Variants in SECISBP2L observed in about 807,000 individuals in gnomAD.
SECISBP2L encodes SECIS binding protein 2 like.
SECISBP2L carries 43 observed loss-of-function variants against 114.7 expected under a neutral mutation model. The observed-to-expected ratio is 0.38, with a 90% CI of 0.29 to 0.48. SECISBP2L has a LOEUF of 0.48. SECISBP2L is among the 20% of genes least tolerant of loss of function. The pLI is 0.98. For synonymous variants in SECISBP2L, 451 were observed against 439.7 expected, an observed-to-expected ratio of 1.03 and a Z score of -0.32; for missense variants, 1,136 against 1,301.1, an observed-to-expected ratio of 0.87 and a Z score of 1.95.
intron 13 of SECISBP2L, among the ~76,000 whole-genome samples, chr15:49,010,111 A>C (rs1902405901): frequency 6.6e-6 from 1 of 151,574 alleles, no homozygotes; most frequent in South Asian, 2.1e-4. Flanking sequence ...CAGCCTGGGC[A>C]ACAACAGAGG....
chr15:49,034,440 T>A (rs1157679856), intron 3 of SECISBP2L, among the ~76,000 whole-genome samples: 1 of 151,852 alleles, frequency 6.6e-6, no homozygotes, highest in Non-Finnish European at 1.5e-5. Flanking sequence ...TTTTACTTAG[T>A]CAAAAGGCTC....
chr15:49,012,144 A>G (rs1187432225), intron 12 of SECISBP2L, among the ~76,000 whole-genome samples: 1 of 148,178 alleles, frequency 6.7e-6, no homozygotes, highest in Non-Finnish European at 1.5e-5. Context: ...AAAAAAAAAA[A>G]GGGTAAATTA....
At chr15:49,009,158 C>A in intron 14 of SECISBP2L, 58 bp downstream of exon 14, 2 of 1,544,592 alleles carry the variant, frequency 1.3e-6, no homozygotes, top group Non-Finnish European at 1.8e-6. Context: ...ATACTAAATT[C>A]AGAACTACAA....
chr15:49,021,775 A>C (rs1902644054), intron 7 of SECISBP2L, among the ~76,000 whole-genome samples: 1 of 152,184 alleles, frequency 6.6e-6, no homozygotes, highest in African/African-American at 2.4e-5. Context: ...TAAAACCCCC[A>C]AACTAATGGT....
chr15:49,004,790 G>A (rs551235107), intron 14 of SECISBP2L, among the ~76,000 whole-genome samples: 4 of 152,306 alleles, frequency 2.6e-5, no homozygotes, highest in African/African-American at 9.6e-5. Context: ...CACTTGTTTT[G>A]AGAGACTGTT....
chr15:49,012,552 A>T, intron 12 of SECISBP2L, 96 bp downstream of exon 12: 4 of 1,267,942 alleles, frequency 3.2e-6, no homozygotes, highest in Non-Finnish European at 4.5e-6. Context: ...TTCTCACAAC[A>T]ATCTGTTGGC....
intron 13 of SECISBP2L, 99 bp from the exon 14 acceptor site, chr15:49,009,477 G>T: frequency 8.1e-7 from 1 of 1,235,290 alleles, no homozygotes; most frequent in Non-Finnish European, 1.1e-6. Flanking sequence ...TGTCTTTTGG[G>T]TCATTTCCAA....
chr15:49,012,544 C>G, intron 12 of SECISBP2L, 104 bp downstream of exon 12: 1 of 1,187,228 alleles, frequency 8.4e-7, no homozygotes, highest in South Asian at 1.3e-5. Flanking sequence ...ATGAATACTT[C>G]TCACAACAAT....
In SECISBP2L at chr15:48,988,726, G is replaced by A. The variant is rs1305339382; in HGVS notation, c.*3518C>T. The A allele has an allele frequency of 2.6e-6, 1 of 389,382 alleles. No individual in the cohort carries two copies. Among genetic ancestry groups the A allele is most frequent in the Non-Finnish European group, 5.2e-6 (1 of 192,806 alleles). The allele number at this position is 389,382 out of a possible 1,614,324, so 24.1% of individuals were successfully genotyped here. ...AAAGCTGTTATTACCCCCCAAATGTGATATAACAATTATCCTTCATACAGC... is the reference window on the plus strand; with the variant it reads ...AAAGCTGTTATTACCCCCCAAATGTAATATAACAATTATCCTTCATACAGC... On this transcript the variant is annotated 3_prime_UTR_variant, in exon 18 of 18. Coordinates refer to ENST00000559471, the MANE Select transcript of SECISBP2L (RefSeq NM_001193489.2).
chr15:49,031,037 C>CTTTTTTTTTTTT (rs373799142), intron 4 of SECISBP2L, among the ~76,000 whole-genome samples: 3 of 83,212 alleles, frequency 3.6e-5, no homozygotes, highest in Non-Finnish European at 4.5e-5. Flanking sequence ...TTATCATTTT[C>CTTTTTTTTTTTT]TTTTTTTTTT....
chr15:48,996,528 A>G lies in SECISBP2L; in HGVS notation c.2462T>C (p.Met821Thr), dbSNP rs1902094881. ...TEEARKAYKD[M>T]VAAMEQEQAE... Reference sequence around the variant, plus strand: ...CTGCTCCTGTTCCATTGCTGCAACCATATCTTTATATGCTTTCCTGGCCTC... The same window carrying G: ...CTGCTCCTGTTCCATTGCTGCAACCGTATCTTTATATGCTTTCCTGGCCTC... The change falls in exon 17 of 18, where the codon ATG (methionine) becomes ACG (threonine). Residue 821 changes from methionine (M) to threonine (T), a missense_variant. By Grantham distance (81) the Met-to-Thr change is moderately conservative. Coordinates refer to ENST00000559471, the MANE Select transcript of SECISBP2L (RefSeq NM_001193489.2). 1.1e-5 allele frequency: 18 copies of G among 1,614,018 alleles called. No individual in the cohort carries two copies. The highest frequency in any genetic ancestry group is 1.4e-5 in the Non-Finnish European group (17 of 1,180,028).
chr15:49,017,404 AAT>A (rs1221857904), intron 9 of SECISBP2L, 142 bp downstream of exon 9: 1 of 597,586 alleles, frequency 1.7e-6, no homozygotes, highest in Non-Finnish European at 2.9e-6. Flanking sequence ...CTGGAAAAGA[AAT>A]ATTAAAGATA....
chr15:49,034,663 T>C (rs1902966531), intron 3 of SECISBP2L, among the ~76,000 whole-genome samples: 1 of 107,210 alleles, frequency 9.3e-6, no homozygotes, highest in African/African-American at 3.5e-5. Flanking sequence ...TGAAAGTATA[T>C]CTTTTGTTTT....
At chr15:49,006,126 C>A (rs901495691) in intron 14 of SECISBP2L, among the ~76,000 whole-genome samples, 1 of 152,216 alleles carries the variant, frequency 6.6e-6, no homozygotes, top group Non-Finnish European at 1.5e-5. Context: ...CGCTGTTAGA[C>A]TGATGGCCTT....
chr15:49,023,027 C>CA (rs34101036), intron 7 of SECISBP2L, among the ~76,000 whole-genome samples: 76,309 of 146,136 alleles, frequency 0.52, 21,172 homozygotes, highest in Non-Finnish European at 0.63. Flanking sequence ...TAGAAGCCAT[C>CA]AAAAAAAAAA....
At chr15:49,023,309 C>T (rs1902678282) in intron 7 of SECISBP2L, among the ~76,000 whole-genome samples, 1 of 152,106 alleles carries the variant, frequency 6.6e-6, no homozygotes, top group South Asian at 2.1e-4. Context: ...CAGGTAAGTT[C>T]ACAGGAAAAG....
At chr15:49,020,602 G>T (rs1213321993) in intron 7 of SECISBP2L, among the ~76,000 whole-genome samples, 1 of 151,966 alleles carries the variant, frequency 6.6e-6, no homozygotes, top group Non-Finnish European at 1.5e-5. Flanking sequence ...CAACCTCCTG[G>T]GCACAAGTGA....
intron 16 of SECISBP2L, among the ~76,000 whole-genome samples, chr15:48,998,166 A>G (rs1219347453): frequency 1.3e-5 from 2 of 152,356 alleles, no homozygotes; most frequent in East Asian, 1.9e-4. Flanking sequence ...AAGCATGGCA[A>G]AAAGTGCTAC....
intron 13 of SECISBP2L, 47 bp downstream of exon 13, chr15:49,011,684 T>C (rs754270666): frequency 1.2e-6 from 2 of 1,603,910 alleles, no homozygotes; most frequent in East Asian, 4.5e-5. Flanking sequence ...TCTATTAAAA[T>C]ATTTCAGACC....
Sources: allele counts gnomAD v4.1 joint callset (sites outside exome capture counted in the v4.1 genomes callset), GRCh38; gene constraint gnomAD v4.1.1; transcripts MANE v1.5; gene names NCBI Gene and HGNC (gene_info 2026-07-23, HGNC 2026-07-21).